SLC38A1: variants seen among roughly 807,000 people sequenced by gnomAD.
The protein encoded by SLC38A1 is solute carrier family 38 member 1.
A neutral mutation model predicts 60.3 loss-of-function variants in SLC38A1; 18 were observed. The observed-to-expected ratio is 0.30, with a 90% confidence interval of 0.21 to 0.44. The LOEUF (loss-of-function observed/expected upper bound fraction) is 0.44. Among genes scored for constraint, SLC38A1 ranks in the 20% least tolerant of loss-of-function variants. The pLI is 1.00. For synonymous variants in SLC38A1, 196 were observed against 212.1 expected (o/e 0.92, Z 0.66); for missense variants, 448 against 587.2 (o/e 0.76, Z 2.45).
At chr12:46,211,737 CA>C (rs1445885871) in intron 5 of SLC38A1, among the ~76,000 whole-genome samples, 1 of 152,194 alleles carries the variant, frequency 6.6e-6, no homozygotes, top group Non-Finnish European at 1.5e-5. Context: ...GGTGCTCCCA[CA>C]GTGGTGAAAA....
In SLC38A1 at chr12:46,197,927, C is replaced by T. The variant is rs1483572632; in HGVS notation, c.1256G>A (p.Gly419Glu). The part of the protein sequence containing the change: ...IFIPSMKDIF[G>E]VVGVTSANML... Reference sequence around the variant, plus strand: ...AAGTCATGAAGCCATACCTACGACTCCAAAAATATCCTTCATGGAGGGTAT... The same window carrying T: ...AAGTCATGAAGCCATACCTACGACTTCAAAAATATCCTTCATGGAGGGTAT... Residue 419 changes from glycine to glutamate, a missense_variant, in exon 15 of 17, where the codon GGA becomes GAA. By Grantham distance (98) the Gly-to-Glu change is moderately conservative. This residue lies in a region of SLC38A1 where 346 missense variants were observed against 497.5 expected (regional missense o/e 0.70). Coordinates refer to ENST00000398637, the MANE Select transcript of SLC38A1 (RefSeq NM_030674.4). 6.2e-7 allele frequency: 1 copy of T among 1,613,842 alleles called. No homozygotes were observed. The highest frequency in any genetic ancestry group is 1.3e-5 in the African/African-American group (1 of 74,888).
rs1939636818 is a variant in SLC38A1 at position 46,201,079 on chromosome 12, A to G, written c.1003+19T>C. On this transcript the variant is annotated intron_variant, in intron 13 of 16. Transcript: ENST00000398637. ...TGTTTACAAATATTTATATTTATGT[A>G]CCAGTAGAAATTACTTACCATAGAA... 1.4e-6 allele frequency: 2 copies of G among 1,470,526 alleles called. No individual in the cohort carries two copies. Among genetic ancestry groups the G allele is most frequent in the Non-Finnish European group, 1.9e-6 (2 of 1,055,000 alleles). 91.1% of individuals were successfully genotyped at this position (1,470,526 alleles called of 1,614,324 possible).
rs750030323 is a variant in SLC38A1, at chr12:46,197,956, G to A, written c.1227C>T (p.Ile409=). The part of the protein sequence containing the change: ...ILLVVINLLV[I]FIPSMKDIFG... ...AAATATCCTTCATGGAGGGTATGAA[G>A]ATCACCAACAAGTTGATAACAACCA... is the stretch of plus-strand genomic sequence containing the variant. Residue 409 remains isoleucine, a synonymous_variant, in exon 15 of 17, where the codon ATC becomes ATT. Coordinates refer to ENST00000398637, the MANE Select transcript of SLC38A1 (RefSeq NM_030674.4). The A allele has an allele frequency of 6.2e-7, 1 of 1,614,106 alleles. No homozygotes were observed. The highest frequency in any genetic ancestry group is 1.1e-5 in the South Asian group (1 of 91,086).
At chr12:46,232,906 G>A (rs1941129321) in intron 3 of SLC38A1, among the ~76,000 whole-genome samples, 1 of 152,060 alleles carries the variant, frequency 6.6e-6, no homozygotes, top group South Asian at 2.1e-4. Flanking sequence ...TTAAATTGTT[G>A]TATTGTCAAT....
chr12:46,242,712 G>A (rs900697259), intron 2 of SLC38A1, among the ~76,000 whole-genome samples: 13 of 152,188 alleles, frequency 8.5e-5, no homozygotes, highest in Admixed American at 8.5e-4. Context: ...TGTGGTGGGA[G>A]ATCATCTGAG....
chr12:46,219,240 A>C (rs1429257119), intron 5 of SLC38A1, among the ~76,000 whole-genome samples: 1 of 152,248 alleles, frequency 6.6e-6, no homozygotes, highest in East Asian at 1.9e-4. Flanking sequence ...CTTAAGGGTT[A>C]GAAGCAAGAT....
chr12:46,256,765 C>A (rs1942045341), intron 1 of SLC38A1, among the ~76,000 whole-genome samples: 1 of 152,162 alleles, frequency 6.6e-6, no homozygotes, highest in African/African-American at 2.4e-5. Flanking sequence ...GCCCTGGGGG[C>A]CAAGCTGCAA....
At chr12:46,223,964 T>G (rs1170852501) in intron 5 of SLC38A1, among the ~76,000 whole-genome samples, 1 of 152,208 alleles carries the variant, frequency 6.6e-6, no homozygotes, top group Non-Finnish European at 1.5e-5. Flanking sequence ...TCCTGTAAAA[T>G]GTATGCCTTT....
chr12:46,229,527 T>TA (rs568318613), intron 4 of SLC38A1, 37 bp downstream of exon 4: 5 of 1,491,676 alleles, frequency 3.4e-6, no homozygotes, highest in East Asian at 4.5e-5. Context: ...TTTATATGAT[T>TA]AAAAAAATAA....
At chr12:46,225,928 A>G (rs1403092698) in intron 5 of SLC38A1, among the ~76,000 whole-genome samples, 1 of 152,238 alleles carries the variant, frequency 6.6e-6, no homozygotes, top group Non-Finnish European at 1.5e-5. Flanking sequence ...AAATGGGAAA[A>G]TATAAATTAA....
Position 46,268,929 on chromosome 12 carries a change from C to A in SLC38A1, c.-612G>T. On this transcript the variant is annotated 5_prime_UTR_variant, in exon 1 of 17. Transcript: ENST00000398637. The surrounding 1 kb of genome is among the most constrained non-coding windows in gnomAD (Gnocchi z 4.4). ...ATTCTCCTACTGGGGGACGCGTGGC[C>A]CTTCCGCAACCATGGCTTGTGATGG... 2.2e-6 allele frequency: 1 copy of A among 454,708 alleles called. No individual in the cohort carries two copies. Among genetic ancestry groups the A allele is most frequent in the Non-Finnish European group, 4.4e-6 (1 of 225,672 alleles). 28.2% of individuals were successfully genotyped at this position (454,708 alleles called of 1,614,324 possible). A position where few individuals can be genotyped will look rare whatever the true frequency, so the allele number is the denominator to read the frequency against.
At chr12:46,189,674 C>T (rs975610543) in intron 16 of SLC38A1, among the ~76,000 whole-genome samples, 15 of 152,152 alleles carry the variant, frequency 9.9e-5, no homozygotes, top group African/African-American at 2.2e-4. Context: ...ATAATTCCCA[C>T]GTGTCATGGG....
intron 16 of SLC38A1, among the ~76,000 whole-genome samples, chr12:46,194,406 T>C (rs754252381): frequency 6.6e-6 from 1 of 152,150 alleles, no homozygotes; most frequent in Non-Finnish European, 1.5e-5. Context: ...CTGACAATTA[T>C]GTGTCTTGGG....
At chr12:46,245,679 G>A (rs1941591950) in intron 1 of SLC38A1, among the ~76,000 whole-genome samples, 1 of 152,130 alleles carries the variant, frequency 6.6e-6, no homozygotes, top group Non-Finnish European at 1.5e-5. Flanking sequence ...GCCTGGGGAG[G>A]TCAAGACTCC....
chr12:46,256,587 A>T (rs1163520565), intron 1 of SLC38A1, among the ~76,000 whole-genome samples: 2 of 150,934 alleles, frequency 1.3e-5, no homozygotes, highest in African/African-American at 4.9e-5. Flanking sequence ...CCGGAAGGAA[A>T]CCTCATCCAG....
intron 16 of SLC38A1, among the ~76,000 whole-genome samples, chr12:46,190,925 T>A (rs1414603333): frequency 6.6e-6 from 1 of 152,214 alleles, no homozygotes; most frequent in Non-Finnish European, 1.5e-5. Context: ...GTGCAGAAGC[T>A]CTTTAGTTGA....
chr12:46,204,131 A>T (rs1939784260), intron 11 of SLC38A1, among the ~76,000 whole-genome samples, 170 bp downstream of exon 11: 1 of 152,156 alleles, frequency 6.6e-6, no homozygotes, highest in Non-Finnish European at 1.5e-5. Flanking sequence ...GTAAAATATA[A>T]TATTTGTATA....
intron 16 of SLC38A1, among the ~76,000 whole-genome samples, chr12:46,192,083 C>G (rs1211752230): frequency 6.6e-6 from 1 of 152,034 alleles, no homozygotes; most frequent in Non-Finnish European, 1.5e-5. Flanking sequence ...ATAAATAGCT[C>G]TTTATTATTT....
intron 1 of SLC38A1, among the ~76,000 whole-genome samples, chr12:46,251,825 A>T (rs1941851441): frequency 6.6e-6 from 1 of 152,178 alleles, no homozygotes; most frequent in African/African-American, 2.4e-5. Context: ...GTCATTTAAA[A>T]AGTCAGGAAA....
Sources: allele counts gnomAD v4.1 joint callset (sites outside exome capture counted in the v4.1 genomes callset), GRCh38; gene constraint gnomAD v4.1.1; regional missense constraint gnomAD v4.1.1; non-coding constraint Gnocchi (gnomAD v3.1); transcripts MANE v1.5; gene names NCBI Gene and HGNC (gene_info 2026-07-23, HGNC 2026-07-21).